RARB: variants seen among roughly 807,000 people sequenced by gnomAD.
RARB encodes HBV-activated protein.
In RARB, 17 loss-of-function variants were observed where a neutral mutation model predicts 51.9. The observed-to-expected ratio is 0.33, with a 90% confidence interval of 0.22 to 0.49. The LOEUF (loss-of-function observed/expected upper bound fraction) is 0.49, where lower values mean the gene tolerates loss of function less well. RARB is among the 20% of genes least tolerant of loss of function. The probability of loss-of-function intolerance (pLI) is 0.99; values close to 1 mark genes in which losing one functional copy is unlikely to be tolerated. For synonymous variants in RARB, 215 were observed against 195.4 expected, an observed-to-expected ratio of 1.10 and a Z score of -0.84; for missense variants, 369 against 550.8, an observed-to-expected ratio of 0.67 and a Z score of 3.30.
At chr3:25,560,625 C>G (rs1700232254) in intron 3 of RARB, among the ~76,000 whole-genome samples, 1 of 152,306 alleles carries the variant, frequency 6.6e-6, no homozygotes, top group South Asian at 2.1e-4. Flanking sequence ...CATACTCTGT[C>G]TTCCCTTTAA....
intron 5 of RARB, among the ~76,000 whole-genome samples, 165 bp from the exon 6 acceptor site, chr3:25,593,337 TG>T (rs1453133107): frequency 1.3e-5 from 2 of 152,202 alleles, no homozygotes; most frequent in African/African-American, 4.8e-5. Context: ...TTTTGACTTC[TG>T]TAGTCTCTTA....
intron 2 of RARB, among the ~76,000 whole-genome samples, chr3:24,877,128 T>TGTA (rs1703061908): frequency 6.6e-6 from 1 of 152,086 alleles, no homozygotes; most frequent in African/African-American, 2.4e-5. Context: ...AGATGCACAA[T>TGTA]GTAAAAGTAA....
intron 2 of RARB, among the ~76,000 whole-genome samples, chr3:25,498,642 C>T (rs1201771397): frequency 2.0e-5 from 3 of 152,072 alleles, no homozygotes; most frequent in Admixed American, 6.6e-5. Flanking sequence ...ATTTGAGCAT[C>T]GTGAGATTGT....
At chr3:25,246,206 G>T (rs895361292) in intron 5 of RARB, among the ~76,000 whole-genome samples, 8 of 151,998 alleles carry the variant, frequency 5.3e-5, no homozygotes, top group African/African-American at 1.9e-4. Context: ...AGTTATTCCA[G>T]TTAGCAGTAC....
chr3:25,477,274 T>TA (rs1696000464), intron 2 of RARB, among the ~76,000 whole-genome samples: 1 of 152,230 alleles, frequency 6.6e-6, no homozygotes, highest in Admixed American at 6.5e-5. Context: ...TGTATCTTCC[T>TA]AGCTGCCTAT....
intron 5 of RARB, among the ~76,000 whole-genome samples, chr3:25,251,852 G>A (rs910763766): frequency 5.3e-5 from 8 of 151,870 alleles, no homozygotes; most frequent in Non-Finnish European, 8.8e-5. Flanking sequence ...AAGTACAAAT[G>A]TTTTCAATTT....
At chr3:25,308,257 C>T (rs1331006341) in intron 5 of RARB, among the ~76,000 whole-genome samples, 1 of 152,122 alleles carries the variant, frequency 6.6e-6, no homozygotes, top group Admixed American at 6.5e-5. Flanking sequence ...ACATGCCATT[C>T]TGTATTTTGA....
At chr3:25,006,833 T>C (rs749612305) in intron 2 of RARB, among the ~76,000 whole-genome samples, 1 of 152,172 alleles carries the variant, frequency 6.6e-6, no homozygotes, top group Non-Finnish European at 1.5e-5. Context: ...AAAGTGCTTA[T>C]TTGATTTATA....
rs573393478 is a variant in RARB at position 24,841,571 on chromosome 3, C to T, written c.-459+12168C>T. Among the ~76,000 whole-genome samples the T allele has an allele frequency of 2.6e-5, 4 of 152,284 alleles. No individual in the cohort carries two copies. In the East Asian group the frequency reaches 7.7e-4, roughly 29 times the overall value. On this transcript the variant is annotated intron_variant, in intron 1 of 11. Transcript: ENST00000383772. ...TAGTAACTCCTGTATCAAAATTGAA[C>T]ACTATTCTGTCCATTTGATATTTTA...
intron 5 of RARB, among the ~76,000 whole-genome samples, chr3:25,210,617 C>A (rs1271702187): frequency 7.1e-6 from 1 of 141,390 alleles, no homozygotes; most frequent in African/African-American, 2.6e-5. Context: ...CTCACTGCAT[C>A]CTCCACCTCC....
intron 2 of RARB, among the ~76,000 whole-genome samples, chr3:25,006,073 G>C (rs184568779): frequency 1.3e-4 from 20 of 152,162 alleles, no homozygotes; most frequent in Admixed American, 1.3e-3. Context: ...GACAGCCAAA[G>C]GGTTCACTCT....
intron 3 of RARB, among the ~76,000 whole-genome samples, chr3:25,130,955 GATAATATTATCAATATTTATTATTGATA>G (rs1699941369): frequency 4.5e-5 from 2 of 44,798 alleles, no homozygotes; most frequent in Admixed American, 5.8e-4. Flanking sequence ...ATTTATTATT[GATAATATTATCAATATTTATTATTGATA>G]ATATTATCAA....
intron 2 of RARB, among the ~76,000 whole-genome samples, chr3:24,867,475 G>A (rs928177791): frequency 5.9e-5 from 9 of 152,104 alleles, no homozygotes; most frequent in African/African-American, 2.2e-4. Flanking sequence ...AACAAGTCAG[G>A]CCAGCTTGGC....
At chr3:25,131,190 G>A (rs571975203) in intron 3 of RARB, among the ~76,000 whole-genome samples, 1 of 151,872 alleles carries the variant, frequency 6.6e-6, no homozygotes, top group African/African-American at 2.4e-5. Context: ...AGAGTGAGGT[G>A]CCTACGGAAT....
At chr3:25,098,781 A>T (rs1224417836) in intron 3 of RARB, among the ~76,000 whole-genome samples, 1 of 152,196 alleles carries the variant, frequency 6.6e-6, no homozygotes, top group Admixed American at 6.5e-5. Context: ...CCGATCCTAA[A>T]TATTAGCATG....
At chr3:24,959,422 C>T (rs1028109191) in intron 2 of RARB, among the ~76,000 whole-genome samples, 1 of 152,190 alleles carries the variant, frequency 6.6e-6, no homozygotes, top group African/African-American at 2.4e-5. Context: ...TGGAGTCAAA[C>T]TTCTCTCCGG....
In RARB at chr3:24,845,380, C is replaced by G. The variant is rs541459459; in HGVS notation, c.-458-13294C>G. Among the ~76,000 whole-genome samples, 8 of 152,308 alleles carry G rather than the reference C, an allele frequency of 5.3e-5. No individual in the cohort carries two copies. In the East Asian group the frequency reaches 1.5e-3, roughly 29 times the overall value. On this transcript the variant is annotated intron_variant, in intron 1 of 11. Coordinates refer to the RARB transcript ENST00000383772. Reference sequence around the variant, plus strand: ...AGTAGGTAAGAAGGATTATTCCACACAGTCATTCAGGGACCCAGGATAACA... The same window carrying G: ...AGTAGGTAAGAAGGATTATTCCACAGAGTCATTCAGGGACCCAGGATAACA...
At chr3:25,319,567 T>A (rs1704512003) in intron 5 of RARB, among the ~76,000 whole-genome samples, 1 of 152,166 alleles carries the variant, frequency 6.6e-6, no homozygotes, top group African/African-American at 2.4e-5. Flanking sequence ...TCAGGTACCA[T>A]AAAAACCCAC....
At chr3:24,897,994 C>T (rs1703514924) in intron 2 of RARB, among the ~76,000 whole-genome samples, 1 of 152,158 alleles carries the variant, frequency 6.6e-6, no homozygotes, top group South Asian at 2.1e-4. Context: ...GTTAGTCCAA[C>T]TTCTTTCATC....
Sources: allele counts gnomAD v4.1 joint callset (sites outside exome capture counted in the v4.1 genomes callset), GRCh38; gene constraint gnomAD v4.1.1; transcripts MANE v1.5; gene names NCBI Gene and HGNC (gene_info 2026-07-23, HGNC 2026-07-21).